C9orf50: variants seen among roughly 807,000 people sequenced by gnomAD.
C9orf50 encodes uncharacterized protein C9orf50.
In C9orf50, 33 loss-of-function variants were observed where a neutral mutation model predicts 42.5. The ratio of observed to expected loss-of-function variants is 0.78; its 90% CI spans 0.59 to 1.04. The LOEUF is 1.04. C9orf50 is among the 50% of genes least tolerant of loss of function. The pLI is 0.00. For synonymous variants in C9orf50, 257 were observed against 273.4 expected, an observed-to-expected ratio of 0.94 and a Z score of 0.59; for missense variants, 547 against 594.3, an observed-to-expected ratio of 0.92 and a Z score of 0.83.
chr9:129,617,993 AT>A (rs578052887), intron 3 of C9orf50, among the ~76,000 whole-genome samples: 134 of 152,294 alleles, frequency 8.8e-4, no homozygotes, highest in Non-Finnish European at 1.4e-3. Context: ...CATGTGTTCC[AT>A]TTCTAGTTCC....
At chr9:129,617,085 A>AG (rs1486764436) in intron 3 of C9orf50, among the ~76,000 whole-genome samples, 1 of 150,240 alleles carries the variant, frequency 6.7e-6, no homozygotes, top group Non-Finnish European at 1.5e-5. Flanking sequence ...GAAAAAAAAA[A>AG]TCAGCCTCAA....
Position 129,620,043 on chromosome 9 carries a change from C to G in C9orf50, c.508+24G>C. 6.9e-7 allele frequency: 1 copy of G among 1,453,318 alleles called. No individual in the cohort carries two copies. Among genetic ancestry groups the G allele is most frequent in the Non-Finnish European group, 9.1e-7 (1 of 1,100,830 alleles). The allele number at this position is 1,453,318 out of a possible 1,614,324, so 90.0% of individuals were successfully genotyped here. A position where few individuals can be genotyped will look rare whatever the true frequency, so the allele number is the denominator to read the frequency against. On this transcript the variant is annotated intron_variant, in intron 1 of 6. Coordinates refer to ENST00000372478, the Ensembl canonical transcript of C9orf50. This position sits in a 1 kb window ranked among gnomAD's most constrained non-coding sequence, Gnocchi z 5.8. ...CCCACCGGAAATGACTCGGGCCCGCCCCCCGGGCCCCGCGGGGCCTCACTC... is the reference window on the plus strand; with the variant it reads ...CCCACCGGAAATGACTCGGGCCCGCGCCCCGGGCCCCGCGGGGCCTCACTC...
At position 129,613,438 on chromosome 9, in the gene C9orf50, C is replaced by A. The variant is rs1204490786; in HGVS notation, c.1040G>T (p.Gly347Val). The A allele has an allele frequency of 6.2e-7, 1 of 1,613,740 alleles. No individual in the cohort carries two copies. The highest frequency in any genetic ancestry group is 8.5e-7 in the Non-Finnish European group (1 of 1,180,006). ...ATCCGCTTCCCTGGAGCCTCACAGG[C>A]CAGCGCAGTCCCAACACGAGGAGCT... The change falls in exon 5 of 7, where the codon GGC becomes GTC. Residue 347 changes from glycine (G) to valine (V), a missense_variant. By Grantham distance (109) the Gly-to-Val change is moderately radical (BLOSUM62 -3). Around this residue, in one of 3 missense-constraint regions of C9orf50, gnomAD observed 334 missense variants for 323.7 expected, o/e 1.03. Transcript: ENST00000372478. This position sits in a 1 kb window ranked among gnomAD's most constrained non-coding sequence, Gnocchi z 6.2.
At chr9:129,619,713 C>T in intron 2 of C9orf50, 27 bp downstream of exon 2, 1 of 1,612,804 alleles carries the variant, frequency 6.2e-7, no homozygotes, top group Non-Finnish European at 8.5e-7. Context: ...CAACCCCGTC[C>T]CCACCAAGAA....
At chr9:129,615,638 G>T (rs1438593785) in exon 4 of C9orf50, 2 of 1,565,206 alleles carry the variant, frequency 1.3e-6, no homozygotes, top group Admixed American at 3.7e-5. Flanking sequence ...CCTGTGCACC[G>T]TGGGGCCTGC....
rs573654878 is a variant in C9orf50, at chr9:129,613,909, C to T, written c.881-312G>A. On this transcript the variant is annotated intron_variant, in intron 4 of 6. Coordinates refer to ENST00000372478, the Ensembl canonical transcript of C9orf50. The surrounding 1 kb of genome is among the most constrained non-coding windows in gnomAD (Gnocchi z 6.2). ...GAAATCCCAGAAACCATGCTGAGAGCGTTGAGGGCTTCAGGGAGGGCTGTC... is the reference window on the plus strand; with the variant it reads ...GAAATCCCAGAAACCATGCTGAGAGTGTTGAGGGCTTCAGGGAGGGCTGTC... 6.6e-6 allele frequency among the ~76,000 whole-genome samples: 1 copy of T among 152,186 alleles called. No homozygotes were observed. The highest frequency in any genetic ancestry group is 2.1e-4 in the South Asian group (1 of 4,822).
At position 129,619,512 on chromosome 9, in the gene C9orf50, T is replaced by C. The variant is rs1830562991; in HGVS notation, c.716+8A>G. ...CACTACCCTACCCTTATCCCGCCCA[T>C]CACTCACTGGTTGGCCTTTCTGACA... On this transcript the variant is annotated splice_region_variant and intron_variant, in intron 3 of 6. Coordinates refer to ENST00000372478, the Ensembl canonical transcript of C9orf50. 6.2e-7 allele frequency: 1 copy of C among 1,600,606 alleles called. No individual in the cohort carries two copies. The highest frequency in any genetic ancestry group is 8.6e-7 in the Non-Finnish European group (1 of 1,168,458).
chr9:129,614,325 G>A lies in C9orf50; in HGVS notation c.881-728C>T, dbSNP rs767463702. Reference sequence around the variant, plus strand: ...GCAAAAATCACAGCTTCTAACTCCAGCTTCCTGTCACGCTAAGGAGGCTGC... The same window carrying A: ...GCAAAAATCACAGCTTCTAACTCCAACTTCCTGTCACGCTAAGGAGGCTGC... On this transcript the variant is annotated intron_variant, in intron 4 of 6. Transcript: ENST00000372478. The surrounding 1 kb of genome is among the most constrained non-coding windows in gnomAD (Gnocchi z 4.4). Among the ~76,000 whole-genome samples, 1 of 152,302 alleles carries A rather than the reference G, an allele frequency of 6.6e-6. No individual in the cohort carries two copies. Among genetic ancestry groups the A allele is most frequent in the South Asian group, 2.1e-4 (1 of 4,824 alleles).
Position 129,620,420 on chromosome 9 carries a change from C to G in C9orf50, c.155G>C (p.Trp52Ser), listed in dbSNP as rs146618124. Reference sequence around the variant, plus strand: ...CGCGGCGCCGCCCCCCGGGATCCTCCAGTCCCCGGAGCCCCGCGCGCCCAG... The same window carrying G: ...CGCGGCGCCGCCCCCCGGGATCCTCGAGTCCCCGGAGCCCCGCGCGCCCAG... The change falls in exon 1 of 7, where the codon TGG becomes TCG. Residue 52 changes from tryptophan (W) to serine (S), a missense_variant. Trp to Ser is a radical substitution (Grantham distance 177). This residue lies in a region of C9orf50 where 105 missense variants were observed against 98.5 expected (regional missense o/e 1.07). Transcript: ENST00000372478. This position sits in a 1 kb window ranked among gnomAD's most constrained non-coding sequence, Gnocchi z 5.8. The G allele has an allele frequency of 0.024, 29,746 of 1,252,124 alleles. 534 individuals carry two copies. The highest frequency in any genetic ancestry group is 0.078 in the East Asian group (2,467 of 31,600). 77.6% of individuals were successfully genotyped at this position (1,252,124 alleles called of 1,614,324 possible). A position where few individuals can be genotyped will look rare whatever the true frequency, so the allele number is the denominator to read the frequency against.
At chr9:129,620,955 C>T (rs1476339235), upstream of C9orf50, among the ~76,000 whole-genome samples, 7 of 152,248 alleles carry the variant, frequency 4.6e-5, no homozygotes, top group Non-Finnish European at 8.8e-5. This position sits in a 1 kb window ranked among gnomAD's most constrained non-coding sequence, Gnocchi z 5.8. Flanking sequence ...AGTCCCAGCT[C>T]CACCACTTAT....
intron 3 of C9orf50, among the ~76,000 whole-genome samples, 183 bp from the exon 4 acceptor site, chr9:129,615,830 C>G (rs941858860): frequency 2.6e-5 from 4 of 152,236 alleles, no homozygotes; most frequent in Admixed American, 1.3e-4. Flanking sequence ...CAGGCTCAAG[C>G]ACGCACATAC....
intron 3 of C9orf50, among the ~76,000 whole-genome samples, chr9:129,618,817 C>G (rs1267590013): frequency 6.6e-6 from 1 of 151,838 alleles, no homozygotes; most frequent in African/African-American, 2.4e-5. Flanking sequence ...CTCAGCCTCC[C>G]GAGTAGCTGG....
exon 2 of C9orf50, chr9:129,619,770 C>T: frequency 6.2e-7 from 1 of 1,614,074 alleles, no homozygotes; most frequent in Non-Finnish European, 8.5e-7. Context: ...ACAGTTGGGA[C>T]ACCGCGGAGA....
In C9orf50 at chr9:129,620,527, C is replaced by CA; in HGVS notation, c.47_48insT (p.Lys16AsnfsTer138). On this transcript the variant is annotated frameshift_variant, in exon 1 of 7. Transcript: ENST00000372478. LOFTEE classifies it high-confidence loss of function. This position sits in a 1 kb window ranked among gnomAD's most constrained non-coding sequence, Gnocchi z 5.8. Reference sequence around the variant, plus strand: ...GGAAGTCTCCGTCGCCAGGGAGCCCCTTGGGCGCCAGGTCCTGGGCCCCTG... The same window carrying CA: ...GGAAGTCTCCGTCGCCAGGGAGCCCCATTGGGCGCCAGGTCCTGGGCCCCTG... The CA allele has an allele frequency of 6.9e-7, 1 of 1,446,056 alleles. No individual in the cohort carries two copies. The highest frequency in any genetic ancestry group is 1.4e-5 in the South Asian group (1 of 72,158). The allele number at this position is 1,446,056 out of a possible 1,614,324, so 89.6% of individuals were successfully genotyped here.
At position 129,613,536 on chromosome 9, in the gene C9orf50, A is replaced by G. The variant is rs1830192704; in HGVS notation, c.942T>C (p.Phe314=). Reference sequence around the variant, plus strand: ...TCTCCAGCCGTTTTCCGACACTCCCAAACACCCGCTCGGACGCCACTGGCA... The same window carrying G: ...TCTCCAGCCGTTTTCCGACACTCCCGAACACCCGCTCGGACGCCACTGGCA... The change falls in exon 5 of 7, where the codon TTT becomes TTC. Residue 314 remains phenylalanine, a synonymous_variant. Coordinates refer to ENST00000372478, the Ensembl canonical transcript of C9orf50. This position sits in a 1 kb window ranked among gnomAD's most constrained non-coding sequence, Gnocchi z 6.2. 1.2e-6 allele frequency: 2 copies of G among 1,614,098 alleles called. No homozygotes were observed. Among genetic ancestry groups the G allele is most frequent in the Non-Finnish European group, 1.7e-6 (2 of 1,180,002 alleles).
chr9:129,620,561 C>A lies in C9orf50; in HGVS notation c.14G>T (p.Arg5Leu). The A allele has an allele frequency of 1.5e-6, 2 of 1,378,106 alleles. No individual in the cohort carries two copies. Among genetic ancestry groups the A allele is most frequent in the South Asian group, 3.4e-5 (2 of 58,516 alleles). The allele number at this position is 1,378,106 out of a possible 1,614,324, so 85.4% of individuals were successfully genotyped here. A position where few individuals can be genotyped will look rare whatever the true frequency, so the allele number is the denominator to read the frequency against. ...CAGGTCCTGGGCCCCTGGGCGAAGT[C>A]GACGCCAGAACATGCTTGGCCCCGC... Residue 5 changes from arginine to leucine, a missense_variant, in exon 1 of 7, where the codon CGA (arginine) becomes CTA (leucine). By Grantham distance (102) the Arg-to-Leu change is moderately radical. Transcript: ENST00000372478. This position sits in a 1 kb window ranked among gnomAD's most constrained non-coding sequence, Gnocchi z 5.8.
rs377328547 is a variant in C9orf50 at position 129,619,980 on chromosome 9, T to G, written c.508+87A>C. 79 of 1,454,506 alleles carry G rather than the reference T, an allele frequency of 5.4e-5. 5 individuals are homozygous for G. The African/African-American group carries it at 5.9e-4, about 11-fold the overall frequency. 90.1% of individuals were successfully genotyped at this position (1,454,506 alleles called of 1,614,324 possible). On this transcript the variant is annotated intron_variant, in intron 1 of 6. Transcript: ENST00000372478. Reference sequence around the variant, plus strand: ...AACATTAGCATCCTTCTAGCCTGGGTGGTGGGGTGGTGGGTGCGGGGACAC... The same window carrying G: ...AACATTAGCATCCTTCTAGCCTGGGGGGTGGGGTGGTGGGTGCGGGGACAC...
upstream of C9orf50, among the ~76,000 whole-genome samples, chr9:129,620,980 T>C (rs1488832529): frequency 2.0e-5 from 3 of 152,250 alleles, no homozygotes; most frequent in African/African-American, 7.2e-5. The surrounding 1 kb of genome is among the most constrained non-coding windows in gnomAD (Gnocchi z 5.8). Context: ...TTTGTAACCT[T>C]GGCCAAGCCA....
Position 129,620,576 on chromosome 9 carries a change from C to G in C9orf50, c.-2G>C. 7.4e-7 allele frequency: 1 copy of G among 1,358,760 alleles called. No homozygotes were observed. Among genetic ancestry groups the G allele is most frequent in the Non-Finnish European group, 9.5e-7 (1 of 1,053,976 alleles). The allele number at this position is 1,358,760 out of a possible 1,614,324, so 84.2% of individuals were successfully genotyped here. ...TGGGCGAAGTCGACGCCAGAACATG[C>G]TTGGCCCCGCACTCAGCTCACCGCA... On this transcript the variant is annotated 5_prime_UTR_variant, in exon 1 of 7. Coordinates refer to ENST00000372478, the Ensembl canonical transcript of C9orf50. The surrounding 1 kb of genome is among the most constrained non-coding windows in gnomAD (Gnocchi z 5.8).
Sources: allele counts gnomAD v4.1 joint callset (sites outside exome capture counted in the v4.1 genomes callset), GRCh38; gene constraint gnomAD v4.1.1; regional missense constraint gnomAD v4.1.1; non-coding constraint Gnocchi (gnomAD v3.1); transcripts MANE v1.5; gene names NCBI Gene and HGNC (gene_info 2026-07-23, HGNC 2026-07-21).